Variants in OR56A3 observed in about 807,000 individuals in gnomAD.
The protein encoded by OR56A3 is olfactory receptor family 56 subfamily A member 3.
OR56A3 carries 23 observed loss-of-function variants against 17.5 expected under a neutral mutation model. The ratio of observed to expected loss-of-function variants is 1.32; its 90% CI spans 0.95 to 1.87. The LOEUF is 1.87. OR56A3 is among the 40% of genes most tolerant of loss of function. The pLI, the probability that OR56A3 is intolerant of heterozygous loss-of-function variation, is 0.00. For synonymous variants in OR56A3, 175 were observed against 150.6 expected (o/e 1.16, Z -1.19); for missense variants, 366 against 380.1 (o/e 0.96, Z 0.31).
At chr11:6,018,133 T>C in the OR56A3 span, among the ~76,000 whole-genome samples, 7 of 151,992 alleles carry the variant, frequency 4.6e-5, no homozygotes, top group South Asian at 1.0e-3. Flanking sequence ...TACACACCAA[T>C]ACAATAATAG....
intron 2 of OR56A3, among the ~76,000 whole-genome samples, chr11:5,945,649 C>T (rs1346417706): frequency 1.3e-5 from 2 of 149,434 alleles, no homozygotes; most frequent in African/African-American, 5.0e-5. Context: ...TCCAACCCAA[C>T]CTCTATATTA....
At chr11:6,014,581 G>T in the OR56A3 span, among the ~76,000 whole-genome samples, 1 of 152,082 alleles carries the variant, frequency 6.6e-6, no homozygotes, top group Admixed American at 6.5e-5. Flanking sequence ...TGAGCTAATT[G>T]GTACCAAAGA....
the OR56A3 span, among the ~76,000 whole-genome samples, chr11:5,963,210 T>G: frequency 2.0e-5 from 3 of 152,184 alleles, no homozygotes; most frequent in Non-Finnish European, 4.4e-5. Flanking sequence ...ATTTTCTTCT[T>G]TGTGTTAATA....
the OR56A3 span, chr11:5,967,455 T>TA: frequency 1.1e-6 from 1 of 888,754 alleles, no homozygotes; most frequent in Non-Finnish European, 1.7e-6. Context: ...AGTCTAAACT[T>TA]ATTCTCGCAG....
chr11:5,989,251 G>A, the OR56A3 span, among the ~76,000 whole-genome samples: 1 of 152,146 alleles, frequency 6.6e-6, no homozygotes, highest in South Asian at 2.1e-4. Flanking sequence ...TCCTTCTGTT[G>A]CACGCTTCAG....
chr11:5,990,179 C>T, the OR56A3 span, among the ~76,000 whole-genome samples: 7 of 152,232 alleles, frequency 4.6e-5, no homozygotes, highest in Non-Finnish European at 7.4e-5. Context: ...CAGGAGCATC[C>T]GGAATCTAGT....
the OR56A3 span, among the ~76,000 whole-genome samples, chr11:5,972,058 G>C: frequency 1.3e-5 from 2 of 152,170 alleles, no homozygotes; most frequent in Non-Finnish European, 2.9e-5. Flanking sequence ...ATTAACACTG[G>C]AACTTGTTGG....
intron 2 of OR56A3, among the ~76,000 whole-genome samples, chr11:5,945,356 C>T (rs746285049): frequency 2.6e-5 from 4 of 151,886 alleles, no homozygotes; most frequent in Non-Finnish European, 4.4e-5. Flanking sequence ...GGGTGGATCT[C>T]GAGGTCAGGA....
chr11:5,972,234 T>G, the OR56A3 span, among the ~76,000 whole-genome samples: 27 of 152,184 alleles, frequency 1.8e-4, no homozygotes, highest in African/African-American at 6.3e-4. Flanking sequence ...ACAGAACACA[T>G]GGGTCCCTTG....
the OR56A3 span, among the ~76,000 whole-genome samples, chr11:6,015,638 C>G: frequency 6.6e-6 from 1 of 152,244 alleles, no homozygotes; most frequent in Non-Finnish European, 1.5e-5. Context: ...CCTCTTGCAT[C>G]AGTGTGCCCT....
chr11:5,969,078 A>G, the OR56A3 span, among the ~76,000 whole-genome samples: 1 of 152,238 alleles, frequency 6.6e-6, no homozygotes, highest in African/African-American at 2.4e-5. Flanking sequence ...TTAAATATAT[A>G]GAGGAACTCC....
chr11:6,016,393 C>T, the OR56A3 span, among the ~76,000 whole-genome samples: 1 of 152,098 alleles, frequency 6.6e-6, no homozygotes, highest in African/African-American at 2.4e-5. Flanking sequence ...TGGACTAATA[C>T]TCACTGATTA....
chr11:5,986,765 C>T, the OR56A3 span: 1 of 1,613,972 alleles, frequency 6.2e-7, no homozygotes, highest in South Asian at 1.1e-5. Flanking sequence ...CCCACTAAAG[C>T]AAGGAGGTAA....
At chr11:6,004,931 T>C in the OR56A3 span, among the ~76,000 whole-genome samples, 1 of 152,146 alleles carries the variant, frequency 6.6e-6, no homozygotes, top group Non-Finnish European at 1.5e-5. Flanking sequence ...ACCTAATTAG[T>C]AGAGAAAATT....
chr11:6,016,878 A>T, the OR56A3 span: 4 of 152,060 alleles, frequency 2.6e-5, no homozygotes, highest in South Asian at 8.3e-4. Flanking sequence ...GAAAGAAATA[A>T]AAAACACAAT....
the OR56A3 span, among the ~76,000 whole-genome samples, chr11:6,016,067 T>C: frequency 0.68 from 103,220 of 151,902 alleles, 35,393 homozygotes; most frequent in East Asian, 0.94. Context: ...TGAGAGGTGA[T>C]TGAATTATGA....
At chr11:5,964,983 G>A in the OR56A3 span, among the ~76,000 whole-genome samples, 15 of 152,142 alleles carry the variant, frequency 9.9e-5, no homozygotes, top group African/African-American at 3.1e-4. Context: ...ACCAGGTACT[G>A]TGATCACTCA....
the OR56A3 span, among the ~76,000 whole-genome samples, chr11:6,014,122 C>T: frequency 6.6e-6 from 1 of 152,180 alleles, no homozygotes; most frequent in African/African-American, 2.4e-5. Flanking sequence ...ACTACTGCCA[C>T]CACTGATGCT....
the OR56A3 span, chr11:6,003,013 T>C: frequency 6.2e-7 from 1 of 1,614,150 alleles, no homozygotes; most frequent in Non-Finnish European, 8.5e-7. Context: ...CTGATCAATC[T>C]GGAGACCCAG....
Sources: allele counts gnomAD v4.1 joint callset (sites outside exome capture counted in the v4.1 genomes callset), GRCh38; gene constraint gnomAD v4.1.1; transcripts MANE v1.5; gene names NCBI Gene and HGNC (gene_info 2026-07-23, HGNC 2026-07-21).